The following ZNF786 variants were observed in gnomAD, a reference collection of about 807,000 sequenced individuals.
ZNF786 encodes zinc finger protein 786.
In ZNF786, 56 loss-of-function variants were observed where a neutral mutation model predicts 63.1. That is an observed-to-expected ratio of 0.89 (90% CI 0.72 to 1.11). The LOEUF (loss-of-function observed/expected upper bound fraction) is 1.11, where lower values mean the gene tolerates loss of function less well. Ranked by LOEUF, ZNF786 falls within the 50% of genes least tolerant of loss-of-function variation. The pLI, the probability that ZNF786 is intolerant of heterozygous loss-of-function variation, is 0.00. For missense variants in ZNF786, 1,213 were observed against 1,041.8 expected, an observed-to-expected ratio of 1.16 and a Z score of -2.26; for synonymous variants, 485 against 406.9, an observed-to-expected ratio of 1.19 and a Z score of -2.31.
intron 3 of ZNF786, among the ~76,000 whole-genome samples, chr7:149,074,003 G>A (rs1007059893): frequency 2.0e-5 from 3 of 151,148 alleles, no homozygotes; most frequent in Non-Finnish European, 2.9e-5. Flanking sequence ...ATGTTGGCCA[G>A]GCTGGTCTGG....
intron 3 of ZNF786, among the ~76,000 whole-genome samples, 163 bp downstream of exon 3, chr7:149,074,223 G>C (rs1431784571): frequency 6.6e-6 from 1 of 152,048 alleles, no homozygotes; most frequent in African/African-American, 2.4e-5. Context: ...TCCAGACACA[G>C]ACTCTAGAAC....
chr7:149,090,249 T>C (rs1218225562), intron 1 of ZNF786, among the ~76,000 whole-genome samples: 2 of 152,244 alleles, frequency 1.3e-5, no homozygotes, highest in African/African-American at 4.8e-5. Flanking sequence ...GGAACAGTTG[T>C]TCTGATTTCG....
chr7:149,074,310 G>A (rs1825502069), intron 3 of ZNF786, 76 bp downstream of exon 3: 1 of 1,551,510 alleles, frequency 6.4e-7, no homozygotes, highest in East Asian at 2.3e-5. Flanking sequence ...GCCCAAACAG[G>A]ATGACAAGAT....
chr7:149,079,296 C>T (rs1355055403), intron 2 of ZNF786, among the ~76,000 whole-genome samples: 1 of 151,744 alleles, frequency 6.6e-6, no homozygotes, highest in Admixed American at 6.6e-5. Flanking sequence ...GTAGTCCCAG[C>T]TACTCGGGAG....
rs1825365499 is a variant in ZNF786, at chr7:149,069,811, A to G, written c.*612T>C. 1 of 152,198 alleles carries G rather than the reference A, an allele frequency of 6.6e-6. No homozygotes were observed. The highest frequency in any genetic ancestry group is 1.5e-5 in the Non-Finnish European group (1 of 68,594). 9.4% of individuals were successfully genotyped at this position (152,198 alleles called of 1,614,324 possible). A position where few individuals can be genotyped will look rare whatever the true frequency, so the allele number is the denominator to read the frequency against. On this transcript the variant is annotated 3_prime_UTR_variant, in exon 4 of 4. Transcript: ENST00000491431. Reference sequence around the variant, plus strand: ...GCTAATTTTTGTATTTTTAGTAGAGACAGGGTTTTGCCATGTTGCCCAAGC... The same window carrying G: ...GCTAATTTTTGTATTTTTAGTAGAGGCAGGGTTTTGCCATGTTGCCCAAGC...
chr7:149,081,107 C>G, intron 1 of ZNF786: 1 of 457,590 alleles, frequency 2.2e-6, no homozygotes, highest in Non-Finnish European at 4.4e-6. Flanking sequence ...AGAAGATATA[C>G]CCCACTGATG....
intron 2 of ZNF786, among the ~76,000 whole-genome samples, chr7:149,075,615 A>G (rs1304102986): frequency 1.4e-5 from 2 of 144,572 alleles, no homozygotes; most frequent in Non-Finnish European, 3.0e-5. Context: ...CCTGGATGCC[A>G]TCTAACTTTG....
At chr7:149,087,465 G>A (rs1033855795) in intron 1 of ZNF786, among the ~76,000 whole-genome samples, 22 of 152,190 alleles carry the variant, frequency 1.4e-4, no homozygotes, top group African/African-American at 5.3e-4. Context: ...GTGCGTAGCA[G>A]CCAAGAATAG....
At chr7:149,089,121 T>C (rs894540942) in intron 1 of ZNF786, among the ~76,000 whole-genome samples, 3 of 151,214 alleles carry the variant, frequency 2.0e-5, no homozygotes, top group Admixed American at 1.3e-4. Context: ...CTAATTTTTG[T>C]TTTTGTATTT....
At chr7:149,090,129 T>G (rs1455312288) in intron 1 of ZNF786, among the ~76,000 whole-genome samples, 1 of 152,232 alleles carries the variant, frequency 6.6e-6, no homozygotes, top group Non-Finnish European at 1.5e-5. Flanking sequence ...CCTCTTCTAC[T>G]CTTCCCAACG....
At chr7:149,076,213 T>G (rs1188383249) in intron 2 of ZNF786, among the ~76,000 whole-genome samples, 1 of 151,802 alleles carries the variant, frequency 6.6e-6, no homozygotes, top group Non-Finnish European at 1.5e-5. Context: ...CTCCCAGGTT[T>G]AAGCGATTCT....
At chr7:149,082,186 T>C (rs372970050) in intron 1 of ZNF786, among the ~76,000 whole-genome samples, 2 of 152,104 alleles carry the variant, frequency 1.3e-5, no homozygotes, top group East Asian at 3.8e-4. Context: ...CAAGATCTGG[T>C]TGTTTAAAAG....
rs925461946 is a variant in ZNF786, at chr7:149,071,213, T to C, written c.1559A>G (p.His520Arg). The change falls in exon 4 of 4, where the codon CAC becomes CGC. Residue 520 changes from histidine (H) to arginine (R), a missense_variant. Physicochemically the swap from His to Arg is conservative, Grantham distance 29. Transcript: ENST00000491431. ...SCSECGRGFT[H>R]QCKLREHLRV... ...CAGGTGCTCACGGAGCTTGCACTGG[T>C]GGGTGAAGCCTCTGCCACACTCGCT... The C allele has an allele frequency of 5.6e-6, 9 of 1,610,542 alleles. No homozygotes were observed. Among genetic ancestry groups the C allele is most frequent in the Non-Finnish European group, 7.6e-6 (9 of 1,177,952 alleles).
Position 149,071,244 on chromosome 7 carries a change from A to G in ZNF786, c.1528T>C (p.Ser510Pro). 6.2e-7 allele frequency: 1 copy of G among 1,612,294 alleles called. No homozygotes were observed. Among genetic ancestry groups the G allele is most frequent in the East Asian group, 2.2e-5 (1 of 44,822 alleles). The change falls in exon 4 of 4, where the codon TCC becomes CCC. Residue 510 changes from serine (S) to proline (P), a missense_variant. Coordinates refer to ENST00000491431, the MANE Select transcript of ZNF786 (RefSeq NM_152411.4). Reference sequence around the variant, plus strand: ...AAGCCTCTGCCACACTCGCTACAGGAGAACGGCCTCTCCCCACCGTGCCGG... The same window carrying G: ...AAGCCTCTGCCACACTCGCTACAGGGGAACGGCCTCTCCCCACCGTGCCGG... ...RLRHGGERPF[S>P]CSECGRGFTH...
At chr7:149,075,108 C>A (rs908950102) in intron 2 of ZNF786, among the ~76,000 whole-genome samples, 2 of 152,152 alleles carry the variant, frequency 1.3e-5, no homozygotes, top group Non-Finnish European at 2.9e-5. Flanking sequence ...GGATTACAGG[C>A]ATAAACCACT....
rs1213194841 is a variant in ZNF786 at position 149,072,364 on chromosome 7, G to C, written c.408C>G (p.Ile136Met). 1.2e-6 allele frequency: 2 copies of C among 1,613,582 alleles called. No individual in the cohort carries two copies. Among genetic ancestry groups the C allele is most frequent in the Admixed American group, 1.7e-5 (1 of 59,942 alleles). Residue 136 changes from isoleucine (I) to methionine (M), a missense_variant, in exon 4 of 4, where the codon ATC becomes ATG. Coordinates refer to ENST00000491431, the MANE Select transcript of ZNF786 (RefSeq NM_152411.4). ...SFVSFRPDQG[I>M]TLGSPQRHDA... ...CGTGTCTCTGTGGGCTCCCGAGGGT[G>C]ATGCCTTGGTCAGGCCTGAAGGAAA...
intron 1 of ZNF786, among the ~76,000 whole-genome samples, 179 bp from the exon 2 acceptor site, chr7:149,080,896 T>TA (rs1554453226): frequency 1.3e-5 from 2 of 152,214 alleles, no homozygotes; most frequent in African/African-American, 4.8e-5. Context: ...TGTTAACCAC[T>TA]ACATCCCCCG....
At chr7:149,089,709 T>A (rs1212472207) in intron 1 of ZNF786, among the ~76,000 whole-genome samples, 1 of 151,914 alleles carries the variant, frequency 6.6e-6, no homozygotes, top group East Asian at 1.9e-4. Flanking sequence ...TCCCCATATA[T>A]ATAGGTATGT....
intron 1 of ZNF786, among the ~76,000 whole-genome samples, chr7:149,083,350 G>T (rs1825682062): frequency 6.6e-6 from 1 of 151,902 alleles, no homozygotes; most frequent in Admixed American, 6.6e-5. Context: ...CCAAGTAGCT[G>T]GGATTATAGG....
Sources: allele counts gnomAD v4.1 joint callset (sites outside exome capture counted in the v4.1 genomes callset), GRCh38; gene constraint gnomAD v4.1.1; transcripts MANE v1.5; gene names NCBI Gene and HGNC (gene_info 2026-07-23, HGNC 2026-07-21).